Variants in DENND5B observed in about 807,000 individuals in gnomAD.
DENND5B encodes the protein DENN domain-containing protein 5B.
DENND5B carries 34 observed loss-of-function variants against 140.6 expected under a neutral mutation model. The observed-to-expected ratio is 0.24, with a 90% CI of 0.18 to 0.32. DENND5B has a LOEUF of 0.32. Among genes scored for constraint, DENND5B ranks in the 10% least tolerant of loss-of-function variants. The pLI, the probability that DENND5B is intolerant of heterozygous loss-of-function variation, is 1.00. For synonymous variants in DENND5B, 551 were observed against 562.1 expected, an observed-to-expected ratio of 0.98 and a Z score of 0.28; for missense variants, 1,142 against 1,560.2, an observed-to-expected ratio of 0.73 and a Z score of 4.52.
intron 1 of DENND5B, among the ~76,000 whole-genome samples, chr12:31,538,761 C>T (rs1431672556): frequency 2.0e-5 from 3 of 151,808 alleles, no homozygotes; most frequent in Non-Finnish European, 4.4e-5. Context: ...CTCAGTTACT[C>T]GGGAGGCTGA....
chr12:31,432,845 C>T lies in DENND5B; in HGVS notation c.2106+310G>A. ...TTGAAACTTAGAAATGTCTAGGCTT[C>T]TCATGCAGACAATTTTTCTCCTATA... On this transcript the variant is annotated intron_variant, in intron 8 of 20. Transcript: ENST00000389082. 3 of 250,926 alleles carry T rather than the reference C, an allele frequency of 1.2e-5. No individual in the cohort carries two copies. In the South Asian group the frequency reaches 2.3e-4, roughly 20 times the overall value. The allele number at this position is 250,926 out of a possible 1,614,324, so 15.5% of individuals were successfully genotyped here.
chr12:31,480,385 G>A lies in DENND5B; in HGVS notation c.238-130C>T, dbSNP rs1946020785. ...TTATCCAGATTTAATATTCGCAATAGCCTTAAATTAGAAATATATTATAAA... is the reference window on the plus strand; with the variant it reads ...TTATCCAGATTTAATATTCGCAATAACCTTAAATTAGAAATATATTATAAA... On this transcript the variant is annotated intron_variant, in intron 2 of 20. Coordinates refer to ENST00000389082, the MANE Select transcript of DENND5B (RefSeq NM_144973.4). 5 of 819,806 alleles carry A rather than the reference G, an allele frequency of 6.1e-6. No individual in the cohort carries two copies. The South Asian group carries it at 1.2e-4, about 19-fold the overall frequency. 50.8% of individuals were successfully genotyped at this position (819,806 alleles called of 1,614,324 possible). A position where few individuals can be genotyped will look rare whatever the true frequency, so the allele number is the denominator to read the frequency against.
intron 1 of DENND5B, among the ~76,000 whole-genome samples, chr12:31,504,868 T>C (rs1396785233): frequency 6.6e-6 from 1 of 152,224 alleles, no homozygotes; most frequent in African/African-American, 2.4e-5. Context: ...ACACAATCTA[T>C]CTTTCCTCTG....
chr12:31,448,284 G>C (rs1944359615), intron 5 of DENND5B, among the ~76,000 whole-genome samples: 1 of 152,074 alleles, frequency 6.6e-6, no homozygotes, highest in Non-Finnish European at 1.5e-5. Flanking sequence ...ACAGGCGCCT[G>C]CCACCACGCC....
intron 1 of DENND5B, among the ~76,000 whole-genome samples, chr12:31,500,177 G>A (rs774940614): frequency 1.3e-5 from 2 of 151,952 alleles, no homozygotes; most frequent in East Asian, 1.9e-4. Flanking sequence ...TTTAGATCTC[G>A]GATTTTTGGA....
At chr12:31,501,734 C>T (rs1259352) in intron 1 of DENND5B, among the ~76,000 whole-genome samples, 120,906 of 148,366 alleles carry the variant, frequency 0.81, 49,566 homozygotes, top group African/African-American at 0.89. Context: ...GAACGCGCCA[C>T]TGCACTCCAG....
chr12:31,385,301 A>G lies in DENND5B; in HGVS notation c.*2302T>C, dbSNP rs1940802914. ...ACAAACAAACAAACATGAATTCTAG[A>G]GCTTGTGTTGTCAGTAACCAGCTGT... is the stretch of plus-strand genomic sequence containing the variant. On this transcript the variant is annotated 3_prime_UTR_variant, in exon 21 of 21. Coordinates refer to ENST00000389082, the MANE Select transcript of DENND5B (RefSeq NM_144973.4). The G allele has an allele frequency of 6.6e-6, 1 of 152,172 alleles. No homozygotes were observed. The highest frequency in any genetic ancestry group is 1.5e-5 in the Non-Finnish European group (1 of 68,052). 9.4% of individuals were successfully genotyped at this position (152,172 alleles called of 1,614,324 possible).
chr12:31,492,420 G>C (rs569738631), intron 2 of DENND5B, among the ~76,000 whole-genome samples: 1 of 152,098 alleles, frequency 6.6e-6, no homozygotes, highest in Admixed American at 6.5e-5. Flanking sequence ...GAACGTACTT[G>C]TACCCAGGCC....
chr12:31,476,833 T>C (rs1397725158), intron 3 of DENND5B, among the ~76,000 whole-genome samples: 1 of 152,124 alleles, frequency 6.6e-6, no homozygotes, highest in Non-Finnish European at 1.5e-5. Context: ...CCCCCAATAT[T>C]CTTTCTAACC....
intron 3 of DENND5B, among the ~76,000 whole-genome samples, chr12:31,467,616 A>T (rs964990636): frequency 6.6e-6 from 1 of 152,150 alleles, no homozygotes; most frequent in Non-Finnish European, 1.5e-5. Flanking sequence ...GTGAGACCTT[A>T]TTTCAAAGAA....
chr12:31,502,931 G>T (rs1352323221), intron 1 of DENND5B, among the ~76,000 whole-genome samples: 1 of 152,146 alleles, frequency 6.6e-6, no homozygotes, highest in Non-Finnish European at 1.5e-5. Context: ...GATCTCTGAG[G>T]AACAGCCAGG....
chr12:31,425,339 A>G (rs1180007797), intron 9 of DENND5B, among the ~76,000 whole-genome samples: 1 of 152,228 alleles, frequency 6.6e-6, no homozygotes, highest in Non-Finnish European at 1.5e-5. Flanking sequence ...ACAATAAAAA[A>G]AGAAAATGTA....
chr12:31,469,679 A>G (rs530604962), intron 3 of DENND5B, among the ~76,000 whole-genome samples: 6 of 152,214 alleles, frequency 3.9e-5, no homozygotes, highest in Admixed American at 6.5e-5. Flanking sequence ...GTTGGCCCCA[A>G]TGTTGGAGGT....
At chr12:31,477,463 T>C (rs1945871082) in intron 3 of DENND5B, 1 of 152,242 alleles carries the variant, frequency 6.6e-6, no homozygotes, top group African/African-American at 2.4e-5. Flanking sequence ...TCATGCTGAA[T>C]ATTTAGCAGG....
At chr12:31,577,580 G>C (rs902393078) in intron 1 of DENND5B, among the ~76,000 whole-genome samples, 1 of 149,554 alleles carries the variant, frequency 6.7e-6, no homozygotes, top group African/African-American at 2.5e-5. Context: ...GCGTGGTGGC[G>C]GGCGCCTGTA....
At chr12:31,542,447 A>G (rs1163032885) in intron 1 of DENND5B, among the ~76,000 whole-genome samples, 1 of 152,200 alleles carries the variant, frequency 6.6e-6, no homozygotes, top group East Asian at 1.9e-4. Context: ...ATTTGCTAGC[A>G]CAACAGGGTG....
chr12:31,486,524 A>G (rs540722199), intron 2 of DENND5B, among the ~76,000 whole-genome samples: 161 of 152,382 alleles, frequency 1.1e-3, no homozygotes, highest in South Asian at 5.2e-3. Flanking sequence ...ACTGGGATTC[A>G]GTCACAACCA....
intron 5 of DENND5B, among the ~76,000 whole-genome samples, chr12:31,448,194 C>T (rs555133881): frequency 6.6e-6 from 1 of 151,930 alleles, no homozygotes; most frequent in African/African-American, 2.4e-5. Flanking sequence ...AGTGCAGTGG[C>T]ACGATCTCGG....
intron 1 of DENND5B, among the ~76,000 whole-genome samples, chr12:31,528,494 C>A (rs569428410): frequency 9.7e-4 from 147 of 152,284 alleles, no homozygotes; most frequent in Admixed American, 3.3e-3. Context: ...GACATTTAAT[C>A]TACCTAAGAG....
Sources: allele counts gnomAD v4.1 joint callset (sites outside exome capture counted in the v4.1 genomes callset), GRCh38; gene constraint gnomAD v4.1.1; transcripts MANE v1.5; gene names NCBI Gene and HGNC (gene_info 2026-07-23, HGNC 2026-07-21).